The following BMAL1 variants were observed in gnomAD, a reference collection of about 807,000 sequenced individuals.
BMAL1 encodes basic helix-loop-helix ARNT like 1, also known as basic helix-loop-helix ARNT-like protein 1.
At chr11:13,350,464 A>G in the BMAL1 span, among the ~76,000 whole-genome samples, 3 of 152,244 alleles carry the variant, frequency 2.0e-5, no homozygotes, top group Non-Finnish European at 4.4e-5. Flanking sequence ...CCAAAAATAA[A>G]GAGCAGTAGG....
chr11:13,344,448 C>T, the BMAL1 span, among the ~76,000 whole-genome samples: 1 of 152,204 alleles, frequency 6.6e-6, no homozygotes, highest in African/African-American at 2.4e-5. Flanking sequence ...ATTGGTCATG[C>T]TGTCATGTAC....
the BMAL1 span, chr11:13,357,119 C>T: frequency 3.7e-6 from 6 of 1,613,768 alleles, no homozygotes; most frequent in Admixed American, 1.7e-5. This position sits in a 1 kb window ranked among gnomAD's most constrained non-coding sequence, Gnocchi z 4.8. Context: ...CTTATTTTGT[C>T]TACAAAGCAT....
the BMAL1 span, among the ~76,000 whole-genome samples, chr11:13,331,881 T>C: frequency 6.6e-6 from 1 of 152,128 alleles, no homozygotes; most frequent in Non-Finnish European, 1.5e-5. Flanking sequence ...GAGGGCAAAC[T>C]GTGAAAGCCT....
chr11:13,296,947 A>G, the BMAL1 span, among the ~76,000 whole-genome samples: 2 of 152,030 alleles, frequency 1.3e-5, no homozygotes, highest in African/African-American at 2.4e-5. Flanking sequence ...TGTTGTCAGG[A>G]GTTCTTGGTA....
the BMAL1 span, among the ~76,000 whole-genome samples, chr11:13,303,148 G>A: frequency 6.6e-6 from 1 of 152,322 alleles, no homozygotes; most frequent in Admixed American, 6.5e-5. Flanking sequence ...AAGGGATAGA[G>A]TAAGTTACCC....
chr11:13,315,229 T>A, the BMAL1 span, among the ~76,000 whole-genome samples: 1 of 152,224 alleles, frequency 6.6e-6, no homozygotes, highest in Admixed American at 6.5e-5. Flanking sequence ...ACTTTCCATA[T>A]GCTGTTCCCT....
the BMAL1 span, among the ~76,000 whole-genome samples, chr11:13,345,895 TATG>T: frequency 1.3e-5 from 2 of 152,210 alleles, no homozygotes; most frequent in African/African-American, 4.8e-5. Flanking sequence ...TCTGTCAGCA[TATG>T]ATGAGTTGTA....
the BMAL1 span, among the ~76,000 whole-genome samples, chr11:13,361,867 AG>A: frequency 5.5e-5 from 7 of 126,306 alleles, no homozygotes; most frequent in African/African-American, 1.8e-4. Flanking sequence ...CTGTAAAAAC[AG>A]GGGTAAATGA....
the BMAL1 span, among the ~76,000 whole-genome samples, chr11:13,335,360 G>A: frequency 2.0e-5 from 3 of 152,100 alleles, no homozygotes; most frequent in Admixed American, 6.6e-5. Flanking sequence ...CTGTTGTTTT[G>A]GGTAAATAGC....
the BMAL1 span, among the ~76,000 whole-genome samples, chr11:13,348,578 T>C: frequency 6.6e-6 from 1 of 151,822 alleles, no homozygotes. Flanking sequence ...GGTTGCTAAT[T>C]TGGGGGCTGG....
the BMAL1 span, among the ~76,000 whole-genome samples, chr11:13,300,002 C>G: frequency 6.6e-6 from 1 of 152,208 alleles, no homozygotes; most frequent in Admixed American, 6.5e-5. Context: ...GTTCTGCAAA[C>G]ATAGGGAAAG....
the BMAL1 span, chr11:13,374,102 G>A: frequency 6.2e-7 from 1 of 1,613,082 alleles, no homozygotes; most frequent in Non-Finnish European, 8.5e-7. Context: ...TAGGGCAACA[G>A]CTATTTTGGC....
chr11:13,386,868 T>A, the BMAL1 span: 13 of 1,283,380 alleles, frequency 1.0e-5, no homozygotes, highest in Non-Finnish European at 1.3e-5. Context: ...TGTACTGACT[T>A]CATAAAAGCC....
At chr11:13,324,100 A>G in the BMAL1 span, among the ~76,000 whole-genome samples, 1 of 149,228 alleles carries the variant, frequency 6.7e-6, no homozygotes, top group Admixed American at 6.7e-5. Context: ...CCTTATTATT[A>G]GTTTGTTTCT....
the BMAL1 span, among the ~76,000 whole-genome samples, chr11:13,280,474 T>C: frequency 1.3e-5 from 2 of 152,258 alleles, no homozygotes; most frequent in African/African-American, 4.8e-5. Flanking sequence ...TTATAATGTA[T>C]CTGAGCTTTC....
At chr11:13,386,504 TTTC>T in the BMAL1 span, 145 of 1,311,150 alleles carry the variant, frequency 1.1e-4, no homozygotes, top group Middle Eastern at 5.4e-4. Flanking sequence ...TAAATGTAAC[TTTC>T]TTATTAAAAA....
At chr11:13,364,815 G>A in the BMAL1 span, among the ~76,000 whole-genome samples, 19 of 147,230 alleles carry the variant, frequency 1.3e-4, no homozygotes, top group East Asian at 2.0e-4. Flanking sequence ...GAATCTAAGC[G>A]GGGAGTTTTG....
chr11:13,302,173 G>T, the BMAL1 span, among the ~76,000 whole-genome samples: 113 of 152,314 alleles, frequency 7.4e-4, no homozygotes, highest in African/African-American at 2.7e-3. Context: ...GCTTTAAGGA[G>T]AAGTTTGTCA....
chr11:13,376,858 A>C, the BMAL1 span: 3 of 784,774 alleles, frequency 3.8e-6, no homozygotes, highest in Non-Finnish European at 5.9e-6. Context: ...CGAGGGGATG[A>C]TGTGCGGATT....
Sources: allele counts gnomAD v4.1 joint callset (sites outside exome capture counted in the v4.1 genomes callset), GRCh38; gene constraint gnomAD v4.1.1; non-coding constraint Gnocchi (gnomAD v3.1); transcripts MANE v1.5; gene names NCBI Gene and HGNC (gene_info 2026-07-23, HGNC 2026-07-21).